Variants in ART3 observed in about 807,000 individuals in gnomAD.
ART3 encodes ADP-ribosyltransferase 3 (inactive), also known as ecto-ADP-ribosyltransferase 3.
In ART3, 49 loss-of-function variants were observed where a neutral mutation model predicts 48.5. That is an observed-to-expected ratio of 1.01 (90% confidence interval 0.80 to 1.28). The LOEUF is 1.28. Among genes scored for constraint, ART3 ranks in the 50% most tolerant of loss-of-function variants. The probability of loss-of-function intolerance (pLI) is 0.00; values close to 1 mark genes in which losing one functional copy is unlikely to be tolerated. For missense variants in ART3, 438 were observed against 454.3 expected, an observed-to-expected ratio of 0.96 and a Z score of 0.33; for synonymous variants, 145 against 157.2, an observed-to-expected ratio of 0.92 and a Z score of 0.58.
chr4:76,035,886 A>G (rs888239542), intron 1 of ART3: 1 of 1,553,722 alleles, frequency 6.4e-7, no homozygotes, highest in South Asian at 1.2e-5. Flanking sequence ...GAAACATTAG[A>G]AAAGGAACTT....
intron 11 of ART3, among the ~76,000 whole-genome samples, chr4:76,110,377 T>G (rs1411936200): frequency 6.6e-6 from 1 of 152,214 alleles, no homozygotes; most frequent in Non-Finnish European, 1.5e-5. Context: ...TTTTATTTAT[T>G]TATGTATGCT....
intron 3 of ART3, 143 bp from the exon 4 acceptor site, chr4:76,097,501 C>A: frequency 1.5e-6 from 1 of 664,738 alleles, no homozygotes; most frequent in East Asian, 2.6e-5. Context: ...GCCACCATGC[C>A]CAGCCTGCAA....
chr4:76,068,666 A>G (rs1399106509), intron 1 of ART3, among the ~76,000 whole-genome samples: 1 of 152,172 alleles, frequency 6.6e-6, no homozygotes, highest in African/African-American at 2.4e-5. Context: ...AGAGGATAAA[A>G]AAAAAAATAA....
At chr4:76,091,720 C>T (rs371461426) in intron 3 of ART3, among the ~76,000 whole-genome samples, 55 of 140,630 alleles carry the variant, frequency 3.9e-4, no homozygotes, top group African/African-American at 1.3e-3. Flanking sequence ...CTCGCTCTGT[C>T]ACCCAGGCTG....
At chr4:76,026,401 G>A (rs1373846723) in intron 1 of ART3, among the ~76,000 whole-genome samples, 1 of 152,182 alleles carries the variant, frequency 6.6e-6, no homozygotes, top group Non-Finnish European at 1.5e-5. Flanking sequence ...ATATTGGATA[G>A]AAGGATGGTT....
Position 76,033,481 on chromosome 4 carries a change from A to G in ART3, c.-10+22161A>G, listed in dbSNP as rs557899981. Among the ~76,000 whole-genome samples, 4 of 152,148 alleles carry G rather than the reference A, an allele frequency of 2.6e-5. No individual in the cohort carries two copies. The South Asian group carries it at 8.3e-4, about 32-fold the overall frequency. On this transcript the variant is annotated intron_variant, in intron 1 of 9. Transcript: ENST00000341029. ...CTTTTGGCCTCCCACCAACACTCAC[A>G]TAAGGGATTTTCTCCAAGTAAGAAG...
At chr4:76,049,636 G>A (rs796378232) in intron 1 of ART3, among the ~76,000 whole-genome samples, 2 of 89,366 alleles carry the variant, frequency 2.2e-5, no homozygotes, top group South Asian at 6.4e-4. Context: ...CCGGTATTTA[G>A]CCCCCGAAAT....
intron 2 of ART3, among the ~76,000 whole-genome samples, chr4:76,080,206 G>C (rs959422518): frequency 1.3e-5 from 2 of 152,130 alleles, no homozygotes; most frequent in African/African-American, 4.8e-5. Flanking sequence ...TTCTAATGTA[G>C]TTCACTTGAA....
intron 11 of ART3, among the ~76,000 whole-genome samples, chr4:76,109,481 A>G (rs1030891662): frequency 1.3e-5 from 2 of 152,188 alleles, no homozygotes; most frequent in Admixed American, 1.3e-4. Flanking sequence ...ACGTTTTTTA[A>G]TAAGTTGAAG....
chr4:76,025,097 A>C (rs751634983), intron 1 of ART3, among the ~76,000 whole-genome samples: 8 of 152,186 alleles, frequency 5.3e-5, no homozygotes, highest in Non-Finnish European at 1.0e-4. Context: ...GGAAAGGCAA[A>C]AGAGAGGGAG....
rs182840473 is a variant in ART3 at position 76,025,145 on chromosome 4, C to T, written c.-10+13825C>T. ...CTGACAGAACCCAAAAGACTTTCACCTAGCAAAGAGGCGTTCGTTCTGATG... is the reference window on the plus strand; with the variant it reads ...CTGACAGAACCCAAAAGACTTTCACTTAGCAAAGAGGCGTTCGTTCTGATG... On this transcript the variant is annotated intron_variant, in intron 1 of 9. Transcript: ENST00000341029. Among the ~76,000 whole-genome samples, 139 of 152,244 alleles carry T rather than the reference C, an allele frequency of 9.1e-4. 3 individuals are homozygous for T. Among genetic ancestry groups the T allele is most frequent in the African/African-American group, 3.1e-3 (127 of 41,544 alleles).
At chr4:76,102,284 G>A (rs958357304) in intron 8 of ART3, among the ~76,000 whole-genome samples, 1 of 152,184 alleles carries the variant, frequency 6.6e-6, no homozygotes, top group African/African-American at 2.4e-5. Flanking sequence ...CAAGCTGATT[G>A]AAGATTTTAA....
intron 10 of ART3, among the ~76,000 whole-genome samples, chr4:76,104,896 AATG>A (rs1728134251): frequency 6.6e-6 from 1 of 152,190 alleles, no homozygotes. Context: ...TTATTATGGA[AATG>A]ATGATCTGTT....
At chr4:76,011,227 G>GT (rs1560570953) in exon 1 of ART3, 11 of 152,622 alleles carry the variant, frequency 7.2e-5, no homozygotes, top group African/African-American at 2.2e-4. Flanking sequence ...CGGAGGTCTC[G>GT]ACGCTCGCTC....
intron 1 of ART3, among the ~76,000 whole-genome samples, chr4:76,027,543 C>T (rs922086097): frequency 3.0e-5 from 4 of 134,244 alleles, no homozygotes; most frequent in East Asian, 2.6e-4. Flanking sequence ...GTGATAATGC[C>T]GTGTTAGGAT....
chr4:76,073,746 A>G (rs976772667), upstream of ART3, among the ~76,000 whole-genome samples: 3 of 152,204 alleles, frequency 2.0e-5, no homozygotes, highest in Admixed American at 6.5e-5. Context: ...CTGACTTCTC[A>G]TGCCTTGGAA....
chr4:76,022,399 A>G, intron 1 of ART3: 2 of 1,613,660 alleles, frequency 1.2e-6, no homozygotes, highest in Non-Finnish European at 1.7e-6. Context: ...TAAATTCTTG[A>G]TGGCCTTCGA....
intron 1 of ART3, among the ~76,000 whole-genome samples, chr4:76,042,223 T>G (rs565022019): frequency 1.3e-4 from 20 of 152,270 alleles, no homozygotes; most frequent in Admixed American, 1.1e-3. Context: ...TTAAAAGAGA[T>G]TAATGTAAGC....
At chr4:76,036,002 G>A (rs1313235941) in intron 1 of ART3, 2 of 1,612,532 alleles carry the variant, frequency 1.2e-6, no homozygotes, top group Non-Finnish European at 8.5e-7. Flanking sequence ...GTTTTTTGCT[G>A]TTGCTGCTGG....
Sources: gnomAD v4.1 joint callset for allele counts (sites outside exome capture counted in the v4.1 genomes callset) on GRCh38, gnomAD v4.1.1 for gene constraint, MANE v1.5 for transcripts, NCBI Gene and HGNC (gene_info 2026-07-23, HGNC 2026-07-21) for gene names.